Variants in CMSS1 observed in about 807,000 individuals in gnomAD.
CMSS1 encodes protein CMSS1.
In CMSS1, 33 loss-of-function variants were observed where a neutral mutation model predicts 43.5. The observed-to-expected ratio is 0.76, with a 90% confidence interval of 0.57 to 1.01. The LOEUF is 1.01. Ranked by LOEUF, CMSS1 falls within the 50% of genes least tolerant of loss-of-function variation. CMSS1 has a pLI of 0.00. For synonymous variants in CMSS1, 115 were observed against 117.2 expected, an observed-to-expected ratio of 0.98 and a Z score of 0.12; for missense variants, 313 against 326.4, an observed-to-expected ratio of 0.96 and a Z score of 0.32.
At chr3:100,123,653 C>T (rs1403469103) in intron 1 of CMSS1, among the ~76,000 whole-genome samples, 1 of 152,176 alleles carries the variant, frequency 6.6e-6, no homozygotes, top group Non-Finnish European at 1.5e-5. Flanking sequence ...AATTCATGGA[C>T]TGTAGGCAGC....
chr3:99,818,439 G>C (rs781154542), intron 1 of CMSS1, among the ~76,000 whole-genome samples: 1 of 152,208 alleles, frequency 6.6e-6, no homozygotes, highest in Admixed American at 6.5e-5. Context: ...CACGACTCCA[G>C]TATTCTGATA....
chr3:99,968,031 A>G (rs1234015343), intron 1 of CMSS1, among the ~76,000 whole-genome samples: 1 of 152,212 alleles, frequency 6.6e-6, no homozygotes, highest in Non-Finnish European at 1.5e-5. Flanking sequence ...GTTCACAGAG[A>G]GATACAATCT....
rs750409697 is a variant in CMSS1, at chr3:99,849,191, C to T, written c.64+31148C>T. On this transcript the variant is annotated intron_variant, in intron 1 of 9. Transcript: ENST00000421999. ...TCCTCGTCTTGATTCTCACTCTCCT[C>T]ATATAACTGACCATTGATGACTGCA... 3.7e-6 allele frequency: 6 copies of T among 1,614,014 alleles called. No individual in the cohort carries two copies. The Admixed American group carries it at 1.0e-4, about 27-fold the overall frequency.
intron 1 of CMSS1, among the ~76,000 whole-genome samples, chr3:99,999,226 G>C (rs563791036): frequency 6.6e-6 from 1 of 152,240 alleles, no homozygotes; most frequent in African/African-American, 2.4e-5. Flanking sequence ...GCAAATTTTA[G>C]AAAGTGTGAT....
chr3:100,151,194 G>T (rs1172916595), intron 2 of CMSS1, among the ~76,000 whole-genome samples: 1 of 152,196 alleles, frequency 6.6e-6, no homozygotes, highest in Non-Finnish European at 1.5e-5. Context: ...TTCATTCTCT[G>T]ATTCACCTTT....
chr3:100,059,470 T>G (rs1294900489), intron 1 of CMSS1, among the ~76,000 whole-genome samples: 1 of 152,202 alleles, frequency 6.6e-6, no homozygotes, highest in East Asian at 1.9e-4. Flanking sequence ...GAAGCATTTT[T>G]TTTTAGCACC....
rs145178615 is a variant in CMSS1, at chr3:99,995,737, C to G, written c.65-151236C>G. ...CTGTGCACTCACAGGTTCAACACCA[C>G]GTGGAAGCTGCCAAGGCTTGGGTCT... On this transcript the variant is annotated intron_variant, in intron 1 of 9. Coordinates refer to ENST00000421999, the MANE Select transcript of CMSS1 (RefSeq NM_032359.4). 3.9e-5 allele frequency among the ~76,000 whole-genome samples: 6 copies of G among 152,352 alleles called. No individual in the cohort carries two copies. In the East Asian group the frequency reaches 1.2e-3, roughly 29 times the overall value.
intron 1 of CMSS1, among the ~76,000 whole-genome samples, chr3:99,917,759 C>A (rs1206444407): frequency 6.6e-6 from 1 of 152,164 alleles, no homozygotes; most frequent in Non-Finnish European, 1.5e-5. Flanking sequence ...ATACCGAAAT[C>A]TAGATGTCCT....
At chr3:99,975,118 T>C (rs963795915) in intron 1 of CMSS1, among the ~76,000 whole-genome samples, 5 of 152,350 alleles carry the variant, frequency 3.3e-5, no homozygotes, top group Non-Finnish European at 7.3e-5. Flanking sequence ...GAAGTACCTT[T>C]CACCTAGCAG....
Position 100,095,875 on chromosome 3 carries a change from A to C in CMSS1, c.65-51098A>C, listed in dbSNP as rs544781303. Among the ~76,000 whole-genome samples the C allele has an allele frequency of 2.0e-5, 3 of 152,334 alleles. No homozygotes were observed. The South Asian group carries it at 6.2e-4, about 32-fold the overall frequency. ...AAAATATTTGCAAACTACCCATCTG[A>C]CAAGAGATTAATAACTGCAGTATAT... On this transcript the variant is annotated intron_variant, in intron 1 of 9. Coordinates refer to ENST00000421999, the MANE Select transcript of CMSS1 (RefSeq NM_032359.4).
chr3:100,043,672 C>CT (rs772503097), intron 1 of CMSS1, among the ~76,000 whole-genome samples: 1 of 152,050 alleles, frequency 6.6e-6, no homozygotes, highest in African/African-American at 2.4e-5. Flanking sequence ...TTTTTTAAAA[C>CT]TTTTTTTACA....
intron 1 of CMSS1, among the ~76,000 whole-genome samples, chr3:99,892,614 A>G (rs1324539617): frequency 6.6e-6 from 1 of 152,108 alleles, no homozygotes; most frequent in East Asian, 1.9e-4. Context: ...AGTTCCAGGC[A>G]TCTCATCCAA....
intron 1 of CMSS1, among the ~76,000 whole-genome samples, chr3:100,116,330 A>C (rs911692210): frequency 3.3e-5 from 5 of 152,214 alleles, no homozygotes; most frequent in African/African-American, 1.2e-4. Flanking sequence ...ACATGAGCTC[A>C]TAAATTGCTG....
At chr3:100,103,556 T>C (rs979414560) in intron 1 of CMSS1, among the ~76,000 whole-genome samples, 5 of 152,198 alleles carry the variant, frequency 3.3e-5, no homozygotes, top group Non-Finnish European at 7.4e-5. Flanking sequence ...GAAGCACGGA[T>C]TGGGCAGGTA....
At chr3:99,864,556 C>T (rs772604555) in intron 1 of CMSS1, among the ~76,000 whole-genome samples, 1 of 152,128 alleles carries the variant, frequency 6.6e-6, no homozygotes, top group African/African-American at 2.4e-5. Context: ...GGCTACATGC[C>T]GGAAACCCCA....
intron 1 of CMSS1, among the ~76,000 whole-genome samples, chr3:99,877,159 G>A (rs983001395): frequency 6.6e-5 from 10 of 152,172 alleles, no homozygotes; most frequent in Admixed American, 1.3e-4. Context: ...ATATGAATCT[G>A]CTAAATAAAT....
At chr3:100,128,921 A>AT (rs1285672650) in intron 1 of CMSS1, among the ~76,000 whole-genome samples, 2 of 152,138 alleles carry the variant, frequency 1.3e-5, no homozygotes, top group Non-Finnish European at 2.9e-5. Flanking sequence ...ATCTATCAGA[A>AT]TTTTTTTATT....
intron 1 of CMSS1, among the ~76,000 whole-genome samples, chr3:99,985,695 T>C (rs1335121446): frequency 6.6e-6 from 1 of 151,946 alleles, no homozygotes; most frequent in African/African-American, 2.4e-5. Context: ...TTCAAGCAAT[T>C]CTCCTGCCTC....
chr3:99,926,896 C>T (rs1010622936), intron 1 of CMSS1, among the ~76,000 whole-genome samples: 1 of 152,198 alleles, frequency 6.6e-6, no homozygotes, highest in East Asian at 1.9e-4. Context: ...TCCATGACCC[C>T]CTAAGTGGTC....
Sources: allele counts gnomAD v4.1 joint callset (sites outside exome capture counted in the v4.1 genomes callset), GRCh38; gene constraint gnomAD v4.1.1; transcripts MANE v1.5; gene names NCBI Gene and HGNC (gene_info 2026-07-23, HGNC 2026-07-21).